DOCK2: variants seen among roughly 807,000 people sequenced by gnomAD.
The protein encoded by DOCK2 is dedicator of cytokinesis protein 2.
In DOCK2, 87 loss-of-function variants were observed where a neutral mutation model predicts 248.9. The ratio of observed to expected loss-of-function variants is 0.35; its 90% CI spans 0.29 to 0.42. DOCK2 has a LOEUF of 0.42. DOCK2 is among the 10% of genes least tolerant of loss of function. DOCK2 has a pLI of 1.00. For missense variants in DOCK2, 1,747 were observed against 2,300.2 expected, an observed-to-expected ratio of 0.76 and a Z score of 4.92; for synonymous variants, 805 against 821.6, an observed-to-expected ratio of 0.98 and a Z score of 0.35.
At chr5:169,659,879 C>T (rs1381723786) in intron 2 of DOCK2, among the ~76,000 whole-genome samples, 1 of 152,134 alleles carries the variant, frequency 6.6e-6, no homozygotes, top group African/African-American at 2.4e-5. Context: ...TCACTTCCTC[C>T]AGTCATATTT....
intron 8 of DOCK2, among the ~76,000 whole-genome samples, chr5:169,686,177 G>A (rs988400598): frequency 6.6e-6 from 1 of 152,202 alleles, no homozygotes; most frequent in East Asian, 1.9e-4. Flanking sequence ...GTTCCTGAAA[G>A]GCTCACTGGC....
chr5:169,992,412 AGT>A (rs1778231327), intron 29 of DOCK2, among the ~76,000 whole-genome samples: 1 of 152,214 alleles, frequency 6.6e-6, no homozygotes, highest in South Asian at 2.1e-4. Flanking sequence ...AATAGAGTTG[AGT>A]GTGTTTTCGT....
chr5:169,814,403 CTG>C (rs1053484458), intron 26 of DOCK2, among the ~76,000 whole-genome samples: 6 of 152,170 alleles, frequency 3.9e-5, no homozygotes, highest in African/African-American at 7.2e-5. Context: ...TCATGAAAGA[CTG>C]TGGCACTCTC....
intron 14 of DOCK2, among the ~76,000 whole-genome samples, chr5:169,705,389 T>C (rs1761208709): frequency 6.6e-6 from 1 of 152,054 alleles, no homozygotes; most frequent in Non-Finnish European, 1.5e-5. Flanking sequence ...ACCACCCAAC[T>C]TGAGGCGGTG....
chr5:169,825,855 A>T (rs13167784), intron 26 of DOCK2, among the ~76,000 whole-genome samples: 1 of 150,908 alleles, frequency 6.6e-6, no homozygotes, highest in Non-Finnish European at 1.5e-5. Flanking sequence ...AAAACAAAAA[A>T]ATCTCTCCTG....
chr5:169,895,833 C>T (rs1350507058), intron 27 of DOCK2, among the ~76,000 whole-genome samples: 1 of 152,194 alleles, frequency 6.6e-6, no homozygotes, highest in East Asian at 1.9e-4. Flanking sequence ...GCATTTGGCT[C>T]ACATAACGCA....
intron 27 of DOCK2, among the ~76,000 whole-genome samples, chr5:169,975,244 A>G (rs1326690044): frequency 6.6e-6 from 1 of 152,202 alleles, no homozygotes; most frequent in Admixed American, 6.5e-5. Context: ...TCCTGACCCT[A>G]GGAACAACTC....
intron 27 of DOCK2, among the ~76,000 whole-genome samples, chr5:169,862,030 C>A (rs931030443): frequency 3.3e-5 from 5 of 151,710 alleles, no homozygotes; most frequent in Non-Finnish European, 7.4e-5. Flanking sequence ...AGGGCCTCAA[C>A]TGGAAACATA....
intron 33 of DOCK2, among the ~76,000 whole-genome samples, chr5:170,022,084 A>C (rs148962852): frequency 9.8e-5 from 15 of 152,294 alleles, no homozygotes; most frequent in African/African-American, 3.1e-4. Flanking sequence ...GTCATACCAA[A>C]CCCTCTGGCC....
In DOCK2 at chr5:169,763,164, T is replaced by A. The variant is rs962312419; in HGVS notation, c.2554+1539T>A. ...GTGAGGTTATGGAGACTAATTCTGG[T>A]AAGTCTTGTTGCACTTCTTGTGTCA... On this transcript the variant is annotated intron_variant, in intron 25 of 51. Transcript: ENST00000520908. This position sits in a 1 kb window ranked among gnomAD's most constrained non-coding sequence, Gnocchi z 4.1. 1.3e-5 allele frequency among the ~76,000 whole-genome samples: 2 copies of A among 152,260 alleles called. No individual in the cohort carries two copies. The highest frequency in any genetic ancestry group is 4.8e-5 in the African/African-American group (2 of 41,472).
chr5:169,733,523 G>A (rs10085078), intron 22 of DOCK2, among the ~76,000 whole-genome samples: 6,216 of 151,434 alleles, frequency 0.041, 436 homozygotes, highest in African/African-American at 0.14. Flanking sequence ...TATGTTATAT[G>A]TTTTTAACCA....
intron 27 of DOCK2, among the ~76,000 whole-genome samples, chr5:169,900,704 G>A (rs1161234151): frequency 6.6e-6 from 1 of 152,078 alleles, no homozygotes; most frequent in African/African-American, 2.4e-5. Context: ...AGCTAATTAT[G>A]ACTTAATGTG....
rs568251641 is a variant in DOCK2 at position 169,704,846 on chromosome 5, T to A, written c.1383+2419T>A. Among the ~76,000 whole-genome samples the A allele has an allele frequency of 3.6e-4, 55 of 151,890 alleles. 3 individuals carry two copies. In the South Asian group the frequency reaches 0.011, roughly 30 times the overall value. On this transcript the variant is annotated intron_variant, in intron 14 of 51. Transcript: ENST00000520908. Reference sequence around the variant, plus strand: ...ACTATGTGCCCACAAAAATTAAAAATTTTAAAATTAAAAAATTTTAAAAAT... The same window carrying A: ...ACTATGTGCCCACAAAAATTAAAAAATTTAAAATTAAAAAATTTTAAAAAT...
intron 27 of DOCK2, among the ~76,000 whole-genome samples, chr5:169,924,207 G>C (rs1775321792): frequency 6.6e-6 from 1 of 152,158 alleles, no homozygotes; most frequent in African/African-American, 2.4e-5. Context: ...TTGGTACTGG[G>C]TTGAGTTACA....
intron 27 of DOCK2, among the ~76,000 whole-genome samples, chr5:169,903,103 A>C (rs1774035048): frequency 6.6e-6 from 1 of 151,884 alleles, no homozygotes; most frequent in Non-Finnish European, 1.5e-5. Context: ...TCTCAAAAAA[A>C]AAAGAAAGAA....
chr5:169,804,677 T>G (rs1767243648), intron 26 of DOCK2, among the ~76,000 whole-genome samples: 1 of 152,160 alleles, frequency 6.6e-6, no homozygotes, highest in Non-Finnish European at 1.5e-5. Flanking sequence ...ATTATTCCCA[T>G]TTTAGAGATG....
chr5:169,701,622 C>G (rs945665888), intron 13 of DOCK2, among the ~76,000 whole-genome samples: 6 of 152,100 alleles, frequency 3.9e-5, no homozygotes, highest in African/African-American at 1.4e-4. Flanking sequence ...TCAAGCAATC[C>G]TCCTACCTCA....
intron 27 of DOCK2, among the ~76,000 whole-genome samples, chr5:169,949,883 A>G (rs971079836): frequency 3.9e-5 from 6 of 152,014 alleles, no homozygotes; most frequent in African/African-American, 1.2e-4. Context: ...TTCACCATAC[A>G]TACGTGCTCA....
chr5:170,079,071 G>C lies in DOCK2; in HGVS notation c.5091G>C (p.Arg1697Ser), dbSNP rs138159817. The part of the protein sequence containing the change: ...GSTLPEVKLR[R>S]SKKRTKRSSV... ...CCCTGCCTGAGGTCAAGCTGCGGAG[G>C]TCCAAGAAGAGGACAAAGAGAAGCA... is the stretch of plus-strand genomic sequence containing the variant. The change falls in exon 49 of 52, where the codon AGG becomes AGC. Residue 1697 changes from arginine to serine, a missense_variant. Around this residue, in one of 4 missense-constraint regions of DOCK2, gnomAD observed 513 missense variants for 586.1 expected, o/e 0.88. Coordinates refer to ENST00000520908, the MANE Select transcript of DOCK2 (RefSeq NM_004946.3). 1 of 1,614,064 alleles carries C rather than the reference G, an allele frequency of 6.2e-7. No individual in the cohort carries two copies. Among genetic ancestry groups the C allele is most frequent in the Non-Finnish European group, 8.5e-7 (1 of 1,180,048 alleles).
Sources: allele counts gnomAD v4.1 joint callset (sites outside exome capture counted in the v4.1 genomes callset), GRCh38; gene constraint gnomAD v4.1.1; regional missense constraint gnomAD v4.1.1; non-coding constraint Gnocchi (gnomAD v3.1); transcripts MANE v1.5; gene names NCBI Gene and HGNC (gene_info 2026-07-23, HGNC 2026-07-21).